The following BMPER variants were observed in gnomAD, a reference collection of about 807,000 sequenced individuals.
BMPER encodes the protein BMP-binding endothelial regulator protein.
A neutral mutation model predicts 87.3 loss-of-function variants in BMPER; 45 were observed. That is an observed-to-expected ratio of 0.52 (90% CI 0.41 to 0.66). BMPER has a LOEUF of 0.66. Ranked by LOEUF, BMPER falls within the 30% of genes least tolerant of loss-of-function variation. The pLI, the probability that BMPER is intolerant of heterozygous loss-of-function variation, is 0.00. For missense variants in BMPER, 784 were observed against 867.5 expected, an observed-to-expected ratio of 0.90 and a Z score of 1.21; for synonymous variants, 326 against 316.2, an observed-to-expected ratio of 1.03 and a Z score of -0.33.
At chr7:33,915,887 T>C (rs190213913) in intron 2 of BMPER, among the ~76,000 whole-genome samples, 2 of 152,376 alleles carry the variant, frequency 1.3e-5, no homozygotes, top group Admixed American at 1.3e-4. Context: ...AATAGTTGTA[T>C]GGCTTTATGT....
chr7:34,141,422 C>T (rs1790865976), intron 13 of BMPER, among the ~76,000 whole-genome samples: 1 of 151,854 alleles, frequency 6.6e-6, no homozygotes, highest in Non-Finnish European at 1.5e-5. Context: ...CCAGCCTGGC[C>T]AACATGGTGA....
At chr7:34,115,241 G>C (rs1790080495) in intron 13 of BMPER, among the ~76,000 whole-genome samples, 1 of 152,142 alleles carries the variant, frequency 6.6e-6, no homozygotes, top group Admixed American at 6.5e-5. Flanking sequence ...AAAGTATTTA[G>C]AAATACAATG....
intron 2 of BMPER, among the ~76,000 whole-genome samples, chr7:33,913,129 A>C (rs969264229): frequency 1.7e-4 from 26 of 152,150 alleles, no homozygotes; most frequent in African/African-American, 6.3e-4. Flanking sequence ...GCTGCCAGTG[A>C]ATTCTGACTA....
chr7:34,092,788 G>A (rs767843755), intron 13 of BMPER, among the ~76,000 whole-genome samples: 6 of 152,138 alleles, frequency 3.9e-5, no homozygotes, highest in Non-Finnish European at 5.9e-5. Context: ...AGAAAGACAC[G>A]AATTCATTCA....
Position 34,028,601 on chromosome 7 carries a change from G to GTTTTTTTTTTTTTTTTTTTTTTTTTT in BMPER, c.577-17698_577-17673dup. On this transcript the variant is annotated intron_variant, in intron 6 of 14. Coordinates refer to ENST00000649409, the MANE Select transcript of BMPER (RefSeq NM_001365308.1). ...ACATACAGTCCAAATCATTTTTTCT[G>GTTTTTTTTTTTTTTTTTTTTTTTTTT]TTTTTTTTTTTTTTTTTTTTTTTTT... Among the ~76,000 whole-genome samples the GTTTTTTTTTTTTTTTTTTTTTTTTTT allele has an allele frequency of 1.1e-3, 39 of 36,060 alleles. 4 individuals are homozygous for GTTTTTTTTTTTTTTTTTTTTTTTTTT. The highest frequency in any genetic ancestry group is 2.4e-3 in the East Asian group (2 of 820). 23.7% of individuals were successfully genotyped at this position (36,060 alleles called of 152,430 possible). A position where few individuals can be genotyped will look rare whatever the true frequency, so the allele number is the denominator to read the frequency against.
chr7:33,914,222 C>T (rs1366400924), intron 2 of BMPER, among the ~76,000 whole-genome samples: 1 of 152,126 alleles, frequency 6.6e-6, no homozygotes, highest in Non-Finnish European at 1.5e-5. Flanking sequence ...GCCTCGGTCT[C>T]CCAAAGTGCT....
At chr7:33,959,590 T>C (rs572004223) in intron 3 of BMPER, among the ~76,000 whole-genome samples, 2 of 152,346 alleles carry the variant, frequency 1.3e-5, no homozygotes, top group Admixed American at 1.3e-4. Context: ...GAAGTGTTTA[T>C]GCTAAGTAGA....
chr7:33,941,561 A>T (rs1449898679), intron 3 of BMPER, among the ~76,000 whole-genome samples: 1 of 152,126 alleles, frequency 6.6e-6, no homozygotes, highest in African/African-American at 2.4e-5. Flanking sequence ...TCTAGGGTTG[A>T]TGGGAGACAG....
chr7:34,015,803 C>G (rs1219512536), intron 6 of BMPER, among the ~76,000 whole-genome samples: 4 of 151,898 alleles, frequency 2.6e-5, no homozygotes, highest in African/African-American at 9.7e-5. Flanking sequence ...AGCTCCTGGA[C>G]CTTGTTCTGA....
At chr7:34,118,810 T>C (rs1339437542) in intron 13 of BMPER, among the ~76,000 whole-genome samples, 1 of 152,096 alleles carries the variant, frequency 6.6e-6, no homozygotes, top group African/African-American at 2.4e-5. Context: ...GTTGAAGGCC[T>C]TCATAGAAAA....
intron 7 of BMPER, among the ~76,000 whole-genome samples, chr7:34,049,618 A>G (rs1433984003): frequency 6.6e-6 from 1 of 152,162 alleles, no homozygotes; most frequent in Non-Finnish European, 1.5e-5. Context: ...TTGGTGGAGG[A>G]TGAAGCTTCT....
At position 34,055,180 on chromosome 7, in the gene BMPER, C is replaced by T. The variant is rs1326384403; in HGVS notation, c.804C>T (p.Cys268=). The T allele has an allele frequency of 6.2e-7, 1 of 1,613,968 alleles. No individual in the cohort carries two copies. Among genetic ancestry groups the T allele is most frequent in the Non-Finnish European group, 8.5e-7 (1 of 1,180,000 alleles). The change falls in exon 9 of 15, where the codon TGC becomes TGT. Residue 268 remains cysteine, a synonymous_variant. Transcript: ENST00000649409. ...ACTCRDSTVV[C]KRKCSHPGGC... ...GCCCCCAGGACTCTACTGTGGTTTG[C>T]AAGAGGAAGTGCTCCCACCCTGGTG... is the stretch of plus-strand genomic sequence containing the variant.
chr7:33,905,841 G>GGC lies in BMPER; in HGVS notation c.133+95_133+96insGC. 5 of 584,010 alleles carry GGC rather than the reference G, an allele frequency of 8.6e-6. No individual in the cohort carries two copies. In the East Asian group the frequency reaches 1.6e-4, roughly 18 times the overall value. 36.2% of individuals were successfully genotyped at this position (584,010 alleles called of 1,614,324 possible). ...CTTGCCCCGGGGATGGGAGGGTGGG[G>GGC]AGCGCGCACCTTGGCGCTTGCCCTG... is the stretch of plus-strand genomic sequence containing the variant. On this transcript the variant is annotated intron_variant, in intron 1 of 14. Coordinates refer to ENST00000649409, the MANE Select transcript of BMPER (RefSeq NM_001365308.1).
chr7:33,908,983 G>A (rs910136998), intron 2 of BMPER, among the ~76,000 whole-genome samples: 15 of 152,176 alleles, frequency 9.9e-5, no homozygotes, highest in Admixed American at 9.8e-4. Context: ...GGATTTCAAA[G>A]CACTCCGGAC....
intron 6 of BMPER, among the ~76,000 whole-genome samples, chr7:34,004,231 T>C (rs915832802): frequency 6.6e-6 from 1 of 152,158 alleles, no homozygotes; most frequent in African/African-American, 2.4e-5. Flanking sequence ...TCAATTCTAG[T>C]ATTCTAGTTC....
intron 6 of BMPER, among the ~76,000 whole-genome samples, chr7:34,044,624 G>T (rs1787912387): frequency 6.6e-6 from 1 of 152,162 alleles, no homozygotes; most frequent in African/African-American, 2.4e-5. Flanking sequence ...ATTATGCAGG[G>T]TTGAGTGAGG....
At chr7:33,948,841 G>A (rs1434917433) in intron 3 of BMPER, among the ~76,000 whole-genome samples, 2 of 152,134 alleles carry the variant, frequency 1.3e-5, no homozygotes, top group Non-Finnish European at 2.9e-5. Context: ...AGTAATGTGG[G>A]AATGGACTAA....
At chr7:34,136,367 C>T (rs953447841) in intron 13 of BMPER, among the ~76,000 whole-genome samples, 3 of 152,312 alleles carry the variant, frequency 2.0e-5, no homozygotes, top group Admixed American at 6.5e-5. Flanking sequence ...TATTGGATGA[C>T]ATTGTTTTCA....
chr7:34,080,865 A>G (rs1585811485), intron 12 of BMPER, among the ~76,000 whole-genome samples: 2 of 152,116 alleles, frequency 1.3e-5, no homozygotes, highest in East Asian at 1.9e-4. Flanking sequence ...GAATAAATGT[A>G]CTCTTTACAA....
Sources: allele counts gnomAD v4.1 joint callset (sites outside exome capture counted in the v4.1 genomes callset), GRCh38; gene constraint gnomAD v4.1.1; transcripts MANE v1.5; gene names NCBI Gene and HGNC (gene_info 2026-07-23, HGNC 2026-07-21).